Variants in EPHA6 observed in about 807,000 individuals in gnomAD.
EPHA6 encodes the protein ephrin type-A receptor 6.
Under a neutral mutation model 112.0 loss-of-function variants are expected in EPHA6, and 50 were observed. That is an observed-to-expected ratio of 0.45 (90% CI 0.36 to 0.56). The LOEUF (loss-of-function observed/expected upper bound fraction) is 0.56, where lower values mean the gene tolerates loss of function less well. Among genes scored for constraint, EPHA6 ranks in the 20% least tolerant of loss-of-function variants. The probability of loss-of-function intolerance (pLI) is 0.00; values close to 1 mark genes in which losing one functional copy is unlikely to be tolerated. For synonymous variants in EPHA6, 529 were observed against 490.7 expected, an observed-to-expected ratio of 1.08 and a Z score of -1.03; for missense variants, 1,280 against 1,417.4, an observed-to-expected ratio of 0.90 and a Z score of 1.56.
intron 5 of EPHA6, among the ~76,000 whole-genome samples, chr3:97,371,998 G>A (rs1348132831): frequency 6.6e-6 from 1 of 152,120 alleles, no homozygotes; most frequent in African/African-American, 2.4e-5. Flanking sequence ...ATGACAATGT[G>A]TGTCCGAAAC....
intron 2 of EPHA6, among the ~76,000 whole-genome samples, chr3:96,911,947 A>G (rs1392328473): frequency 2.6e-5 from 4 of 152,060 alleles, no homozygotes; most frequent in African/African-American, 9.7e-5. Context: ...TGAATACAGA[A>G]TGTCTCAATT....
intron 5 of EPHA6, among the ~76,000 whole-genome samples, chr3:97,356,397 C>G (rs75246493): frequency 6.6e-6 from 1 of 152,122 alleles, no homozygotes; most frequent in Non-Finnish European, 1.5e-5. Context: ...AAAACCATCC[C>G]CCTCACCCCC....
chr3:97,434,759 T>C (rs1227212492), intron 6 of EPHA6, among the ~76,000 whole-genome samples: 2 of 152,138 alleles, frequency 1.3e-5, no homozygotes, highest in East Asian at 3.9e-4. Flanking sequence ...AGGCAGCTCA[T>C]CTCTGCTTCA....
At chr3:97,407,410 C>T (rs1054760408) in intron 6 of EPHA6, among the ~76,000 whole-genome samples, 1 of 151,338 alleles carries the variant, frequency 6.6e-6, no homozygotes, top group African/African-American at 2.4e-5. Flanking sequence ...GAGCAGTATT[C>T]TTAACATCAT....
At chr3:96,998,221 TGTTA>T (rs1399613750) in intron 3 of EPHA6, among the ~76,000 whole-genome samples, 2 of 151,924 alleles carry the variant, frequency 1.3e-5, no homozygotes, top group Non-Finnish European at 2.9e-5. Context: ...TGACTTACCA[TGTTA>T]CCCATGTCAC....
intron 3 of EPHA6, among the ~76,000 whole-genome samples, chr3:97,015,193 T>C (rs1421495461): frequency 1.3e-5 from 2 of 152,170 alleles, no homozygotes; most frequent in Non-Finnish European, 2.9e-5. Flanking sequence ...CATTATACAA[T>C]AAAGTATTGT....
chr3:97,109,315 G>T (rs559177633), intron 3 of EPHA6, among the ~76,000 whole-genome samples: 1 of 152,076 alleles, frequency 6.6e-6, no homozygotes, highest in Middle Eastern at 3.2e-3. Context: ...CAAATTTAGG[G>T]TGAAGACTGT....
intron 11 of EPHA6, among the ~76,000 whole-genome samples, chr3:97,548,126 G>T (rs2092981820): frequency 6.6e-6 from 1 of 152,198 alleles, no homozygotes; most frequent in African/African-American, 2.4e-5. Flanking sequence ...TCCTCAGTTG[G>T]AAATGCAAAA....
At chr3:96,973,573 G>A (rs1240149717) in intron 2 of EPHA6, among the ~76,000 whole-genome samples, 1 of 151,796 alleles carries the variant, frequency 6.6e-6, no homozygotes, top group African/African-American at 2.4e-5. Flanking sequence ...TATAATCCCA[G>A]CACTTTGGGA....
chr3:96,872,143 A>G lies in EPHA6; in HGVS notation c.450+5254A>G, dbSNP rs139493392. Among the ~76,000 whole-genome samples, 6 of 152,244 alleles carry G rather than the reference A, an allele frequency of 3.9e-5. No homozygotes were observed. The East Asian group carries it at 1.2e-3, about 29-fold the overall frequency. ...AGCCTCCTGCACAAAATCTTATGTGATAGCTGAGCATATTTGAAGATGGTC... is the reference window on the plus strand; with the variant it reads ...AGCCTCCTGCACAAAATCTTATGTGGTAGCTGAGCATATTTGAAGATGGTC... On this transcript the variant is annotated intron_variant, in intron 2 of 17. Coordinates refer to ENST00000389672, the MANE Select transcript of EPHA6 (RefSeq NM_001080448.3).
chr3:96,892,526 G>T (rs1178061495), intron 2 of EPHA6, among the ~76,000 whole-genome samples: 1 of 152,042 alleles, frequency 6.6e-6, no homozygotes, highest in East Asian at 1.9e-4. Flanking sequence ...CTGGCCAAAA[G>T]ATCACTTCTT....
At chr3:97,636,407 A>T (rs1323256207) in intron 13 of EPHA6, among the ~76,000 whole-genome samples, 1 of 152,148 alleles carries the variant, frequency 6.6e-6, no homozygotes, top group African/African-American at 2.4e-5. Flanking sequence ...TGAAACAGAA[A>T]GAGCTAATAA....
chr3:97,592,885 T>C (rs4857277), intron 12 of EPHA6, 148 bp downstream of exon 12: 160,222 of 986,326 alleles, frequency 0.16, 18,174 homozygotes, highest in African/African-American at 0.51. Context: ...AAACCATATT[T>C]ATAATACTGA....
At chr3:97,410,967 C>T (rs948650842) in intron 6 of EPHA6, among the ~76,000 whole-genome samples, 3 of 151,642 alleles carry the variant, frequency 2.0e-5, no homozygotes, top group African/African-American at 7.3e-5. Flanking sequence ...ATCAGAACTA[C>T]AAGTATTAAT....
At chr3:96,871,695 A>G (rs2036631316) in intron 2 of EPHA6, among the ~76,000 whole-genome samples, 1 of 152,080 alleles carries the variant, frequency 6.6e-6, no homozygotes, top group South Asian at 2.1e-4. Context: ...GGTGGTGGAC[A>G]TGGTCAGTCA....
At chr3:97,158,148 T>C (rs557944362) in intron 3 of EPHA6, among the ~76,000 whole-genome samples, 114 of 152,302 alleles carry the variant, frequency 7.5e-4, no homozygotes, top group African/African-American at 2.6e-3. Context: ...ACTCTTCTCC[T>C]TGATGTCATG....
intron 1 of EPHA6, among the ~76,000 whole-genome samples, chr3:96,815,672 G>A (rs1215882566): frequency 6.6e-6 from 1 of 152,178 alleles, no homozygotes; most frequent in Non-Finnish European, 1.5e-5. Flanking sequence ...GTCACTGACA[G>A]ATTGCTTGGA....
chr3:97,347,508 GGAGA>G (rs1245384875), intron 5 of EPHA6, among the ~76,000 whole-genome samples: 17 of 152,156 alleles, frequency 1.1e-4, no homozygotes, highest in African/African-American at 4.1e-4. Flanking sequence ...TTTGAGTACA[GGAGA>G]GAATCATGTA....
chr3:97,400,128 G>A (rs993529855), intron 5 of EPHA6, among the ~76,000 whole-genome samples: 3 of 151,670 alleles, frequency 2.0e-5, no homozygotes, highest in Non-Finnish European at 3.0e-5. Flanking sequence ...TATGGTGAGA[G>A]ATAGGTATCT....
Sources: allele counts gnomAD v4.1 joint callset (sites outside exome capture counted in the v4.1 genomes callset), GRCh38; gene constraint gnomAD v4.1.1; transcripts MANE v1.5; gene names NCBI Gene and HGNC (gene_info 2026-07-23, HGNC 2026-07-21).